DNAH3: variants seen among roughly 807,000 people sequenced by gnomAD.
DNAH3 encodes the protein dynein axonemal heavy chain 3.
DNAH3 carries 332 observed loss-of-function variants against 432.5 expected under a neutral mutation model. That is an observed-to-expected ratio of 0.77 (90% CI 0.70 to 0.84). DNAH3 has a LOEUF of 0.84. Ranked by LOEUF, DNAH3 falls within the 40% of genes least tolerant of loss-of-function variation. The probability of loss-of-function intolerance (pLI) is 0.00; values close to 1 mark genes in which losing one functional copy is unlikely to be tolerated. For missense variants in DNAH3, 4,861 were observed against 5,114.0 expected (o/e 0.95, Z 1.51); for synonymous variants, 1,956 against 1,900.2 (o/e 1.03, Z -0.76).
At chr16:21,087,027 G>A (rs779258753) in exon 19 of DNAH3, 18 of 1,613,934 alleles carry the variant, frequency 1.1e-5, no homozygotes, top group African/African-American at 2.7e-5. Flanking sequence ...TATCTCCTCC[G>A]CAATTTGCTC....
intron 1 of DNAH3, among the ~76,000 whole-genome samples, chr16:21,149,851 T>C (rs922250192): frequency 6.6e-6 from 1 of 152,128 alleles, no homozygotes; most frequent in Non-Finnish European, 1.5e-5. Context: ...AACAAAAAAA[T>C]GTGATGAATA....
At chr16:21,049,910 C>G (rs147896927) in exon 30 of DNAH3, 23 of 1,613,260 alleles carry the variant, frequency 1.4e-5, no homozygotes, top group Middle Eastern at 1.6e-4. Flanking sequence ...ATTTGCTTAC[C>G]TGCTTAGCCA....
rs1242457832 is a variant in DNAH3, at chr16:21,020,021, CA to C, written c.5777-153del. ...ATCACCTACCAGATCATTTCACATG[CA>C]TTTTTTTTTTTTTTTTGAAACAGGG... On this transcript the variant is annotated intron_variant, in intron 40 of 61. Transcript: ENST00000261383. 37 of 740,962 alleles carry C rather than the reference CA, an allele frequency of 5.0e-5. No individual in the cohort carries two copies. In the South Asian group the frequency reaches 5.4e-4, roughly 11 times the overall value. The allele number at this position is 740,962 out of a possible 1,614,324, so 45.9% of individuals were successfully genotyped here.
rs143501398 is a variant in DNAH3 at position 21,155,201 on chromosome 16, C to T, written c.117+4124G>A. Among the ~76,000 whole-genome samples the T allele has an allele frequency of 2.4e-4, 37 of 152,124 alleles. No homozygotes were observed. In the East Asian group the frequency reaches 7.0e-3, roughly 29 times the overall value. On this transcript the variant is annotated intron_variant, in intron 1 of 61. Coordinates refer to ENST00000261383, the Ensembl canonical transcript of DNAH3. ...CTGACCTCAAGTGATCTGCCCACCT[C>T]CGCCTCCCAAAGTGCTGGGATTCAG... is the stretch of plus-strand genomic sequence containing the variant.
In DNAH3 at chr16:21,150,419, C is replaced by T; in HGVS notation, c.118-4331G>A. ...CTATCCAGTTGGTCTGAAATTCACA[C>T]TTCCTTATAGCATAATGGGGATGAC... On this transcript the variant is annotated intron_variant, in intron 1 of 61. In the 5' UTR this introduces an upstream ATG that the reference lacks. Transcript: ENST00000261383. 2.4e-6 allele frequency: 1 copy of T among 423,206 alleles called. No individual in the cohort carries two copies. The highest frequency in any genetic ancestry group is 1.7e-5 in the South Asian group (1 of 58,240). 26.2% of individuals were successfully genotyped at this position (423,206 alleles called of 1,614,324 possible).
At chr16:21,054,470 C>T (rs1597254954) in exon 28 of DNAH3, 3 of 1,614,208 alleles carry the variant, frequency 1.9e-6, no homozygotes, top group African/African-American at 2.7e-5. Context: ...AGCTCCACTG[C>T]TCAGCTTCCC....
chr16:21,127,840 A>G, intron 7 of DNAH3, 28 bp from the exon 9 acceptor site: 1 of 1,613,362 alleles, frequency 6.2e-7, no homozygotes, highest in South Asian at 1.1e-5. Context: ...GAAATTTCCT[A>G]AGCTAAAGAA....
At chr16:20,993,451 A>C (rs896725327) in intron 44 of DNAH3, among the ~76,000 whole-genome samples, 1 of 152,178 alleles carries the variant, frequency 6.6e-6, no homozygotes, top group African/African-American at 2.4e-5. Context: ...GGCTTAAAAA[A>C]ATAATAGTCT....
At chr16:20,954,778 C>T in intron 55 of DNAH3, 35 bp downstream of exon 55, 1 of 1,605,196 alleles carries the variant, frequency 6.2e-7, no homozygotes, top group Non-Finnish European at 8.5e-7. Context: ...GATATCCTTT[C>T]CCTCAGGCCA....
At position 20,985,038 on chromosome 16, in the gene DNAH3, C is replaced by A; in HGVS notation, c.7665+39G>T. The A allele has an allele frequency of 6.3e-7, 1 of 1,578,096 alleles. No homozygotes were observed. Among genetic ancestry groups the A allele is most frequent in the South Asian group, 1.2e-5 (1 of 84,368 alleles). On this transcript the variant is annotated intron_variant, in intron 48 of 61. Coordinates refer to ENST00000261383, the Ensembl canonical transcript of DNAH3. ...GAAGAACAAGGGCAAATGGAGTTTT[C>A]TTCTTCTTACCGAGGACAATGTGAA...
intron 9 of DNAH3, among the ~76,000 whole-genome samples, chr16:21,122,589 T>C (rs1344308318): frequency 6.6e-6 from 1 of 152,128 alleles, no homozygotes; most frequent in Non-Finnish European, 1.5e-5. Flanking sequence ...GTATTGGGTA[T>C]AGCTTAGCCC....
At chr16:21,049,625 T>C in exon 31 of DNAH3, 1 of 1,614,172 alleles carries the variant, frequency 6.2e-7, no homozygotes, top group South Asian at 1.1e-5. Context: ...GCCAGCCCCT[T>C]GAAGAACTTC....
At chr16:21,101,366 G>A (rs1003025291) in intron 16 of DNAH3, among the ~76,000 whole-genome samples, 6 of 152,156 alleles carry the variant, frequency 3.9e-5, no homozygotes, top group African/African-American at 1.4e-4. Flanking sequence ...GTGTATGTGT[G>A]TGTGTATATA....
Position 21,070,769 on chromosome 16 carries a change from T to TG in DNAH3, c.3141_3142insC (p.Ile1048HisfsTer70). The TG allele has an allele frequency of 1.2e-6, 2 of 1,613,782 alleles. No homozygotes were observed. Among genetic ancestry groups the TG allele is most frequent in the Non-Finnish European group, 1.7e-6 (2 of 1,179,688 alleles). On this transcript the variant is annotated frameshift_variant, in exon 22 of 62. Coordinates refer to ENST00000261383, the Ensembl canonical transcript of DNAH3. LOFTEE classifies it high-confidence loss of function. ...GAGCCACACATGGTCTGGGTCTTTATCACGTGATCATCAAGTAGCATTTGA... is the reference window on the plus strand; with the variant it reads ...GAGCCACACATGGTCTGGGTCTTTATGCACGTGATCATCAAGTAGCATTTGA...
intron 55 of DNAH3, among the ~76,000 whole-genome samples, chr16:20,954,556 C>T (rs2084472589): frequency 1.3e-5 from 2 of 152,038 alleles, no homozygotes; most frequent in African/African-American, 4.8e-5. Context: ...TCCCTAAGTG[C>T]TGGGATTAAA....
rs139959773 is a variant in DNAH3, at chr16:21,062,862, C to T, written c.3519-179G>A. 418 of 601,200 alleles carry T rather than the reference C, an allele frequency of 7.0e-4. 2 individuals are homozygous for T. The highest frequency in any genetic ancestry group is 6.9e-3 in the African/African-American group (372 of 53,858). The allele number at this position is 601,200 out of a possible 1,614,324, so 37.2% of individuals were successfully genotyped here. A position where few individuals can be genotyped will look rare whatever the true frequency, so the allele number is the denominator to read the frequency against. ...CTGGGGCATGGAAGGTGGAGTTTTGCTTTTCTTAAGAGATGAGGTCTTGCC... is the reference window on the plus strand; with the variant it reads ...CTGGGGCATGGAAGGTGGAGTTTTGTTTTTCTTAAGAGATGAGGTCTTGCC... On this transcript the variant is annotated intron_variant, in intron 24 of 61. Coordinates refer to ENST00000261383, the Ensembl canonical transcript of DNAH3.
At chr16:21,134,076 G>A in intron 7 of DNAH3, 183 bp downstream of exon 8, 1 of 564,140 alleles carries the variant, frequency 1.8e-6, no homozygotes, top group Non-Finnish European at 3.0e-6. Flanking sequence ...CACAAAGGAG[G>A]GCCACGTAAG....
At chr16:21,120,613 G>T (rs1179011516) in intron 11 of DNAH3, 9 of 728,418 alleles carry the variant, frequency 1.2e-5, no homozygotes, top group Non-Finnish European at 1.9e-5. Flanking sequence ...GGGGAACTCA[G>T]TCTACGTTGT....
At chr16:21,107,045 C>T (rs1012029747) in intron 14 of DNAH3, among the ~76,000 whole-genome samples, 11 of 151,786 alleles carry the variant, frequency 7.2e-5, no homozygotes, top group African/African-American at 2.4e-4. Context: ...GTAACATTAT[C>T]GAAAGCAACA....
Sources: gnomAD v4.1 joint callset for allele counts (sites outside exome capture counted in the v4.1 genomes callset) on GRCh38, gnomAD v4.1.1 for gene constraint, MANE v1.5 for transcripts, NCBI Gene and HGNC (gene_info 2026-07-23, HGNC 2026-07-21) for gene names.